Variants in PRDM16 observed in about 807,000 individuals in gnomAD.
The protein encoded by PRDM16 is histone-lysine N-methyltransferase PRDM16.
In PRDM16, 23 loss-of-function variants were observed where a neutral mutation model predicts 110.6. The ratio of observed to expected loss-of-function variants is 0.21; its 90% confidence interval spans 0.15 to 0.29. The LOEUF (loss-of-function observed/expected upper bound fraction) is 0.29. PRDM16 is among the 10% of genes least tolerant of loss of function. The pLI is 1.00. For synonymous variants in PRDM16, 799 were observed against 781.8 expected (o/e 1.02, Z -0.37); for missense variants, 1,615 against 1,794.3 (o/e 0.90, Z 1.81).
In PRDM16 at chr1:3,092,594, C is replaced by G. The variant is rs116693383; in HGVS notation, c.37+23298C>G. 7.5e-3 allele frequency among the ~76,000 whole-genome samples: 1,150 copies of G among 152,348 alleles called. 15 individuals are homozygous for G. The highest frequency in any genetic ancestry group is 0.026 in the African/African-American group (1,083 of 41,580). On this transcript the variant is annotated intron_variant, in intron 1 of 16. Coordinates refer to ENST00000270722, the MANE Select transcript of PRDM16 (RefSeq NM_022114.4). ...GCGAGTGGGAAATGAGTGGGAGGCA[C>G]ACACTGCATCCCCCTCAGGCTGGCC...
At chr1:3,376,366 C>G (rs570847383) in intron 3 of PRDM16, among the ~76,000 whole-genome samples, 1 of 152,226 alleles carries the variant, frequency 6.6e-6, no homozygotes, top group Non-Finnish European at 1.5e-5. Context: ...CAGGCGTGGA[C>G]TCCACGTGTC....
chr1:3,405,033 T>C, intron 7 of PRDM16, 147 bp downstream of exon 7: 1 of 805,804 alleles, frequency 1.2e-6, no homozygotes, highest in Non-Finnish European at 1.9e-6. Flanking sequence ...GCTCGGGCCC[T>C]TCCGTGTGAC....
chr1:3,426,925 G>A lies in PRDM16; in HGVS notation c.3284+700G>A, dbSNP rs556796646. Among the ~76,000 whole-genome samples the A allele has an allele frequency of 1.8e-4, 27 of 152,218 alleles. No individual in the cohort carries two copies. In the South Asian group the frequency reaches 4.4e-3, roughly 25 times the overall value. On this transcript the variant is annotated intron_variant, in intron 14 of 16. Transcript: ENST00000270722. ...CAGGTCCCCAAATACGGGCATGCACGTGCACTCATGCACACACGTGTACAT... is the reference window on the plus strand; with the variant it reads ...CAGGTCCCCAAATACGGGCATGCACATGCACTCATGCACACACGTGTACAT...
At chr1:3,262,265 G>A (rs572588204) in intron 3 of PRDM16, among the ~76,000 whole-genome samples, 4 of 152,298 alleles carry the variant, frequency 2.6e-5, no homozygotes, top group South Asian at 2.1e-4. Flanking sequence ...ACCCAGTTGC[G>A]TCCCTGGACT....
chr1:3,170,030 G>T (rs1169603390), intron 1 of PRDM16, among the ~76,000 whole-genome samples: 1 of 151,984 alleles, frequency 6.6e-6, no homozygotes, highest in Non-Finnish European at 1.5e-5. Context: ...GGAACAAATG[G>T]CTCTCCCTGT....
chr1:3,215,352 C>G (rs1638994365), intron 2 of PRDM16, among the ~76,000 whole-genome samples: 1 of 152,214 alleles, frequency 6.6e-6, no homozygotes, highest in African/African-American at 2.4e-5. Flanking sequence ...GCCCTGGGGA[C>G]AGGCAAGGCC....
At chr1:3,408,790 C>CA (rs1643610656) in intron 8 of PRDM16, among the ~76,000 whole-genome samples, 2 of 86,528 alleles carry the variant, frequency 2.3e-5, no homozygotes, top group African/African-American at 1.2e-4. Flanking sequence ...GCGCGTGAGC[C>CA]GGTGCGTGTG....
At chr1:3,147,584 G>A (rs1015890277) in intron 1 of PRDM16, among the ~76,000 whole-genome samples, 34 of 152,166 alleles carry the variant, frequency 2.2e-4, no homozygotes, top group Admixed American at 2.0e-3. Flanking sequence ...TGGTCTTTGT[G>A]AAGAATGAGA....
chr1:3,205,042 T>G (rs1410372244), intron 2 of PRDM16, among the ~76,000 whole-genome samples: 1 of 151,872 alleles, frequency 6.6e-6, no homozygotes, highest in Non-Finnish European at 1.5e-5. Flanking sequence ...TAATGCGGCC[T>G]AAATGAGGGC....
chr1:3,170,116 T>C (rs1644008824), intron 1 of PRDM16, among the ~76,000 whole-genome samples: 1 of 152,236 alleles, frequency 6.6e-6, no homozygotes, highest in Admixed American at 6.5e-5. Context: ...TGAGGGCAGC[T>C]GAGCGCGGAC....
In PRDM16 at chr1:3,425,772, A is replaced by T. The variant is rs768391140; in HGVS notation, c.3109+22A>T. On this transcript the variant is annotated intron_variant, in intron 13 of 16. Coordinates refer to ENST00000270722, the MANE Select transcript of PRDM16 (RefSeq NM_022114.4). The surrounding 1 kb of genome is among the most constrained non-coding windows in gnomAD (Gnocchi z 6.9). ...CCAGGTGGGCCACGCGGGGTGGGGC[A>T]GCCCCCAGAGCACCCACACGGGCAG... 1.9e-6 allele frequency: 3 copies of T among 1,612,016 alleles called. No homozygotes were observed. The East Asian group carries it at 6.7e-5, about 36-fold the overall frequency.
intron 3 of PRDM16, among the ~76,000 whole-genome samples, chr1:3,360,502 G>T (rs1338748974): frequency 6.6e-6 from 1 of 152,112 alleles, no homozygotes; most frequent in South Asian, 2.1e-4. Context: ...GCAGAGCCCG[G>T]TCCAAGTGCG....
chr1:3,295,723 T>G (rs1474653850), intron 3 of PRDM16, among the ~76,000 whole-genome samples: 1 of 152,132 alleles, frequency 6.6e-6, no homozygotes, highest in African/African-American at 2.4e-5. Flanking sequence ...TTGACAGGGT[T>G]TCTGGGCGAT....
intron 1 of PRDM16, among the ~76,000 whole-genome samples, chr1:3,086,838 G>A (rs1298399240): frequency 6.6e-6 from 1 of 152,094 alleles, no homozygotes; most frequent in Non-Finnish European, 1.5e-5. Flanking sequence ...AAATGCGCTC[G>A]CGCCTGGAGA....
chr1:3,428,885 G>A (rs990644496), intron 14 of PRDM16, among the ~76,000 whole-genome samples: 6 of 152,228 alleles, frequency 3.9e-5, no homozygotes, highest in African/African-American at 1.2e-4. Context: ...CGGCACTGAC[G>A]GCCTCTTAAA....
At chr1:3,424,512 AG>A (rs1297031850) in intron 12 of PRDM16, among the ~76,000 whole-genome samples, 2 of 152,232 alleles carry the variant, frequency 1.3e-5, no homozygotes, top group Non-Finnish European at 2.9e-5. Flanking sequence ...AGATGGAGGA[AG>A]GGGGTCTCAT....
In PRDM16 at chr1:3,276,337, GC is replaced by G. The variant is rs1640582144; in HGVS notation, c.438+32201del. Among the ~76,000 whole-genome samples the G allele has an allele frequency of 2.6e-5, 4 of 152,356 alleles. No individual in the cohort carries two copies. In the South Asian group the frequency reaches 8.3e-4, roughly 32 times the overall value. On this transcript the variant is annotated intron_variant, in intron 3 of 16. Coordinates refer to ENST00000270722, the MANE Select transcript of PRDM16 (RefSeq NM_022114.4). ...GGTCTCAGCACCGCAGACTCCAGCA[GC>G]GACCAGGCCTCTTGAGGGGCTCTGT...
intron 8 of PRDM16, among the ~76,000 whole-genome samples, chr1:3,409,889 A>G (rs1261058696): frequency 1.6e-3 from 117 of 75,062 alleles, no homozygotes; most frequent in African/African-American, 2.5e-3. Flanking sequence ...GGTTGTGTGC[A>G]TGTGTGTGGT....
In PRDM16 at chr1:3,433,152, G is replaced by A. The variant is rs1050040490; in HGVS notation, c.3697-525G>A. Among the ~76,000 whole-genome samples, 9 of 152,320 alleles carry A rather than the reference G, an allele frequency of 5.9e-5. No homozygotes were observed. The South Asian group carries it at 1.5e-3, about 25-fold the overall frequency. ...AGGGGTGGGAAGGAGAGGAGGCTTC[G>A]AGGGGGAGCACCCCAAAGCAGCCAA... On this transcript the variant is annotated intron_variant, in intron 16 of 16. Transcript: ENST00000270722.
Sources: gnomAD v4.1 joint callset for allele counts (sites outside exome capture counted in the v4.1 genomes callset) on GRCh38, gnomAD v4.1.1 for gene constraint, Gnocchi (gnomAD v3.1) non-coding constraint, MANE v1.5 for transcripts, NCBI Gene and HGNC (gene_info 2026-07-23, HGNC 2026-07-21) for gene names.